Variants in FHIT observed in about 807,000 individuals in gnomAD.
The protein encoded by FHIT is bis(5'-adenosyl)-triphosphatase.
A neutral mutation model predicts 17.9 loss-of-function variants in FHIT; 19 were observed. The ratio of observed to expected loss-of-function variants is 1.06; its 90% CI spans 0.74 to 1.56. The LOEUF (loss-of-function observed/expected upper bound fraction) is 1.56, where lower values mean the gene tolerates loss of function less well. FHIT is among the 40% of genes most tolerant of loss of function. The pLI is 0.00. For missense variants in FHIT, 248 were observed against 189.2 expected (o/e 1.31, Z -1.82); for synonymous variants, 81 against 69.7 (o/e 1.16, Z -0.81).
chr3:60,294,616 C>T (rs910646160), intron 5 of FHIT, among the ~76,000 whole-genome samples: 1 of 152,124 alleles, frequency 6.6e-6, no homozygotes, highest in African/African-American at 2.4e-5. Flanking sequence ...TTTTCCCCCA[C>T]CATACAGAAC....
At chr3:60,046,990 T>A (rs6767414) in intron 5 of FHIT, among the ~76,000 whole-genome samples, 183 of 152,342 alleles carry the variant, frequency 1.2e-3, no homozygotes, top group African/African-American at 3.7e-3. Context: ...CACTGAATAT[T>A]AAGTGCCCAC....
rs184069228 is a variant in FHIT, at chr3:60,462,720, C to T, written c.103+74140G>A. ...GCAAACAGGAGGTTATGGCCCCAGG[C>T]GGACAAGGAAAGACAGGAAGGTGCC... is the stretch of plus-strand genomic sequence containing the variant. On this transcript the variant is annotated intron_variant, in intron 5 of 9. Coordinates refer to ENST00000492590, the MANE Select transcript of FHIT (RefSeq NM_002012.4). Among the ~76,000 whole-genome samples the T allele has an allele frequency of 4.7e-4, 72 of 152,154 alleles. No individual in the cohort carries two copies. In the Middle Eastern group the frequency reaches 0.01, roughly 22 times the overall value.
At chr3:61,035,445 G>C (rs1407757506) in intron 3 of FHIT, among the ~76,000 whole-genome samples, 1 of 152,016 alleles carries the variant, frequency 6.6e-6, no homozygotes, top group Non-Finnish European at 1.5e-5. Context: ...ACTAGATTTT[G>C]TTAAACTACC....
At chr3:60,253,358 A>G (rs924989470) in intron 5 of FHIT, among the ~76,000 whole-genome samples, 1 of 152,208 alleles carries the variant, frequency 6.6e-6, no homozygotes, top group Non-Finnish European at 1.5e-5. Context: ...GTTATTAAGA[A>G]CAACTCTGCT....
chr3:60,975,242 T>C lies in FHIT; in HGVS notation c.-111+66805A>G, dbSNP rs1214293803. Among the ~76,000 whole-genome samples the C allele has an allele frequency of 2.0e-5, 3 of 152,312 alleles. No homozygotes were observed. In the East Asian group the frequency reaches 5.8e-4, roughly 29 times the overall value. On this transcript the variant is annotated intron_variant, in intron 3 of 9. Transcript: ENST00000492590. ...AGTTTAATAACCTTTATGCACCTAA[T>C]TTCTGAATGATTTTCTTACTCTCTG...
At chr3:60,381,230 C>T (rs1334969231) in intron 5 of FHIT, among the ~76,000 whole-genome samples, 1 of 152,124 alleles carries the variant, frequency 6.6e-6, no homozygotes, top group East Asian at 1.9e-4. Context: ...GTAATCCCAG[C>T]ACTTTGGGAG....
chr3:60,395,677 C>T (rs1260513110), intron 5 of FHIT, among the ~76,000 whole-genome samples: 2 of 152,144 alleles, frequency 1.3e-5, no homozygotes, highest in East Asian at 1.9e-4. Context: ...GAAGGAGTTA[C>T]ATTTGATCAG....
At chr3:60,528,713 G>A (rs1289465869) in intron 5 of FHIT, among the ~76,000 whole-genome samples, 2 of 152,106 alleles carry the variant, frequency 1.3e-5, no homozygotes, top group Non-Finnish European at 2.9e-5. Context: ...AATCTACTGA[G>A]ACCATGTGCA....
At chr3:59,983,685 C>A (rs929124979) in intron 7 of FHIT, among the ~76,000 whole-genome samples, 29 of 152,118 alleles carry the variant, frequency 1.9e-4, no homozygotes, top group African/African-American at 6.8e-4. Flanking sequence ...GTGTTGGCTT[C>A]ATTCTCTCAG....
At chr3:61,049,335 A>T (rs1050715463) in intron 2 of FHIT, among the ~76,000 whole-genome samples, 14 of 151,892 alleles carry the variant, frequency 9.2e-5, no homozygotes, top group African/African-American at 3.4e-4. Flanking sequence ...ATATCAGAGT[A>T]ACCAAATGGT....
intron 3 of FHIT, among the ~76,000 whole-genome samples, chr3:60,988,946 T>TAAAAAAAAA (rs535898632): frequency 8.7e-5 from 3 of 34,324 alleles, no homozygotes; most frequent in African/African-American, 1.3e-4. Flanking sequence ...ATGGCTTTGT[T>TAAAAAAAAA]AAAAAAAAAA....
intron 5 of FHIT, among the ~76,000 whole-genome samples, chr3:60,486,257 A>T (rs1157903507): frequency 6.6e-6 from 1 of 152,162 alleles, no homozygotes; most frequent in Non-Finnish European, 1.5e-5. Context: ...CCAATAAAAA[A>T]TTTTATTTTG....
chr3:60,041,380 C>A (rs1266597318), intron 5 of FHIT, among the ~76,000 whole-genome samples: 1 of 152,178 alleles, frequency 6.6e-6, no homozygotes, highest in Non-Finnish European at 1.5e-5. Context: ...CCAATGACTT[C>A]TTTCAGACAG....
chr3:60,200,534 T>C (rs1702851056), intron 5 of FHIT, among the ~76,000 whole-genome samples: 1 of 152,090 alleles, frequency 6.6e-6, no homozygotes, highest in Non-Finnish European at 1.5e-5. Context: ...AATTAAATCA[T>C]TAAAATATGA....
At chr3:59,847,172 C>A (rs924345273) in intron 8 of FHIT, among the ~76,000 whole-genome samples, 3 of 152,028 alleles carry the variant, frequency 2.0e-5, no homozygotes, top group Non-Finnish European at 4.4e-5. Context: ...TCTCTCTGCC[C>A]CTTTCTGTCT....
chr3:60,927,698 C>T (rs925882012), intron 3 of FHIT, among the ~76,000 whole-genome samples: 9 of 151,772 alleles, frequency 5.9e-5, no homozygotes, highest in Non-Finnish European at 1.3e-4. Flanking sequence ...TGGGGAGCAC[C>T]CCCGCCCGGC....
intron 7 of FHIT, among the ~76,000 whole-genome samples, chr3:60,000,845 T>C (rs1575853998): frequency 6.6e-6 from 1 of 152,076 alleles, no homozygotes; most frequent in Non-Finnish European, 1.5e-5. Context: ...CCCCGCCCAC[T>C]CTTCCCACTT....
At chr3:60,308,982 T>G (rs1222505645) in intron 5 of FHIT, among the ~76,000 whole-genome samples, 1 of 152,114 alleles carries the variant, frequency 6.6e-6, no homozygotes, top group East Asian at 1.9e-4. Flanking sequence ...ACACACCCAG[T>G]ACGAAAATGG....
intron 7 of FHIT, among the ~76,000 whole-genome samples, chr3:60,002,264 A>T (rs212019): frequency 3.3e-5 from 5 of 152,092 alleles, no homozygotes; most frequent in African/African-American, 1.2e-4. Context: ...ATAAGCCTAG[A>T]ATTTCAAACC....
Sources: gnomAD v4.1 joint callset for allele counts (sites outside exome capture counted in the v4.1 genomes callset) on GRCh38, gnomAD v4.1.1 for gene constraint, MANE v1.5 for transcripts, NCBI Gene and HGNC (gene_info 2026-07-23, HGNC 2026-07-21) for gene names.